Variants in CDH18 observed in about 807,000 individuals in gnomAD.
CDH18 encodes cadherin-18.
In CDH18, 31 loss-of-function variants were observed where a neutral mutation model predicts 67.9. The ratio of observed to expected loss-of-function variants is 0.46; its 90% CI spans 0.34 to 0.62. The LOEUF (loss-of-function observed/expected upper bound fraction) is 0.62, where lower values mean the gene tolerates loss of function less well. Among genes scored for constraint, CDH18 ranks in the 20% least tolerant of loss-of-function variants. CDH18 has a pLI of 0.01. For synonymous variants in CDH18, 362 were observed against 347.2 expected, an observed-to-expected ratio of 1.04 and a Z score of -0.48; for missense variants, 890 against 975.5, an observed-to-expected ratio of 0.91 and a Z score of 1.17.
At chr5:20,208,808 A>G (rs533108617) in intron 2 of CDH18, among the ~76,000 whole-genome samples, 8 of 152,194 alleles carry the variant, frequency 5.3e-5, no homozygotes, top group African/African-American at 1.9e-4. Context: ...GAAAAAATAT[A>G]CGCAAACTAC....
At chr5:19,773,065 A>C (rs963162179) in intron 3 of CDH18, among the ~76,000 whole-genome samples, 3 of 152,186 alleles carry the variant, frequency 2.0e-5, no homozygotes, top group Non-Finnish European at 4.4e-5. Context: ...ATAATTTTAT[A>C]TAGATATTAC....
At chr5:19,914,660 A>G (rs1791556031) in intron 2 of CDH18, among the ~76,000 whole-genome samples, 3 of 152,092 alleles carry the variant, frequency 2.0e-5, no homozygotes, top group Admixed American at 1.3e-4. Context: ...GAGAAATATG[A>G]ATTTCTAGTA....
intron 5 of CDH18, among the ~76,000 whole-genome samples, chr5:19,655,836 A>G (rs1208289493): frequency 6.6e-6 from 1 of 152,154 alleles, no homozygotes; most frequent in African/African-American, 2.4e-5. Context: ...ATCCTTAGAA[A>G]GCACTCTCTA....
At chr5:19,875,028 A>G (rs1786775528) in intron 2 of CDH18, among the ~76,000 whole-genome samples, 1 of 152,172 alleles carries the variant, frequency 6.6e-6, no homozygotes, top group Non-Finnish European at 1.5e-5. Context: ...GTCTGAGAAG[A>G]TGCTGGTCTA....
chr5:19,838,374 T>C (rs1781904367), intron 3 of CDH18, among the ~76,000 whole-genome samples: 1 of 152,114 alleles, frequency 6.6e-6, no homozygotes, highest in Admixed American at 6.6e-5. Context: ...TATGTGAAAA[T>C]AGCAGTAAAT....
Position 19,774,867 on chromosome 5 carries a change from G to C in CDH18, c.229-27631C>G, listed in dbSNP as rs1395266189. Among the ~76,000 whole-genome samples the C allele has an allele frequency of 3.0e-5, 4 of 133,056 alleles. No homozygotes were observed. The East Asian group carries it at 9.2e-4, about 31-fold the overall frequency. 87.3% of individuals were successfully genotyped at this position (133,056 alleles called of 152,430 possible). A position where few individuals can be genotyped will look rare whatever the true frequency, so the allele number is the denominator to read the frequency against. ...AAAAAAAAGGCCAAGACTGCCATGG[G>C]AGAGTATACAAGTGTAAGTTGGCAG... On this transcript the variant is annotated intron_variant, in intron 3 of 12. Transcript: ENST00000382275.
At chr5:19,695,792 C>A (rs183123898) in intron 5 of CDH18, among the ~76,000 whole-genome samples, 2 of 152,274 alleles carry the variant, frequency 1.3e-5, no homozygotes, top group East Asian at 3.9e-4. Context: ...AGTTAAATTT[C>A]TTTATGTGTG....
chr5:20,001,533 A>G (rs1579999325), intron 2 of CDH18, among the ~76,000 whole-genome samples: 1 of 152,224 alleles, frequency 6.6e-6, no homozygotes, highest in Non-Finnish European at 1.5e-5. Context: ...GTGTCTCTGA[A>G]GCATTGTCCA....
chr5:20,491,113 A>T (rs1283648857), intron 1 of CDH18, among the ~76,000 whole-genome samples: 1 of 151,952 alleles, frequency 6.6e-6, no homozygotes, highest in African/African-American at 2.4e-5. Context: ...AAATATTTTT[A>T]CAAATTAGCA....
intron 2 of CDH18, among the ~76,000 whole-genome samples, chr5:19,880,401 A>G (rs1343489142): frequency 6.6e-6 from 1 of 152,128 alleles, no homozygotes; most frequent in Non-Finnish European, 1.5e-5. Flanking sequence ...GCATTTTTAG[A>G]AACCCTAAAA....
At chr5:20,193,977 A>G (rs1341336543) in intron 2 of CDH18, among the ~76,000 whole-genome samples, 1 of 152,106 alleles carries the variant, frequency 6.6e-6, no homozygotes, top group East Asian at 1.9e-4. Flanking sequence ...TTTATGACAA[A>G]CCCACAACCA....
intron 1 of CDH18, among the ~76,000 whole-genome samples, chr5:20,463,254 A>G (rs1369402617): frequency 1.4e-5 from 2 of 143,536 alleles, no homozygotes; most frequent in Non-Finnish European, 3.2e-5. Flanking sequence ...GCAATTCTCT[A>G]TGTGGAGAGA....
chr5:20,172,216 ATATATATG>A (rs1554098764), intron 2 of CDH18, among the ~76,000 whole-genome samples: 11 of 78,772 alleles, frequency 1.4e-4, no homozygotes, highest in East Asian at 2.9e-4. Flanking sequence ...ATATATATAT[ATATATATG>A]TATATATATA....
intron 4 of CDH18, among the ~76,000 whole-genome samples, chr5:19,729,516 TTG>T (rs1767310931): frequency 6.6e-6 from 1 of 152,192 alleles, no homozygotes; most frequent in Non-Finnish European, 1.5e-5. Context: ...CCTTTTTGTT[TTG>T]TGTGGTCCTT....
At chr5:19,612,246 A>G (rs1749098664) in intron 6 of CDH18, among the ~76,000 whole-genome samples, 188 bp downstream of exon 6, 1 of 152,144 alleles carries the variant, frequency 6.6e-6, no homozygotes, top group Admixed American at 6.6e-5. Flanking sequence ...ATTCCCAATT[A>G]TTTCCTAGGT....
chr5:20,071,305 A>C (rs1765911738), intron 2 of CDH18, among the ~76,000 whole-genome samples: 1 of 152,102 alleles, frequency 6.6e-6, no homozygotes, highest in Admixed American at 6.6e-5. Flanking sequence ...GTGATGCTAT[A>C]TCCTTCTTTA....
chr5:19,555,922 G>C (rs1033609291), intron 8 of CDH18, among the ~76,000 whole-genome samples: 30 of 152,296 alleles, frequency 2.0e-4, no homozygotes, highest in African/African-American at 6.7e-4. Flanking sequence ...ACAGCTGAGA[G>C]ACCTGAAGAT....
upstream of CDH18, among the ~76,000 whole-genome samples, chr5:19,991,353 TA>T (rs1360378648): frequency 2.6e-5 from 4 of 152,188 alleles, no homozygotes; most frequent in Admixed American, 2.0e-4. Context: ...AATTATTATA[TA>T]TTTAAGGTAT....
At chr5:20,113,870 GA>G (rs1006703971) in intron 2 of CDH18, among the ~76,000 whole-genome samples, 15 of 152,084 alleles carry the variant, frequency 9.9e-5, no homozygotes, top group Non-Finnish European at 1.8e-4. Context: ...TGAGCTTTAT[GA>G]AAAAAATTTT....
Sources: gnomAD v4.1 joint callset for allele counts (sites outside exome capture counted in the v4.1 genomes callset) on GRCh38, gnomAD v4.1.1 for gene constraint, MANE v1.5 for transcripts, NCBI Gene and HGNC (gene_info 2026-07-23, HGNC 2026-07-21) for gene names.